RTBDN: variants seen among roughly 807,000 people sequenced by gnomAD.
The protein encoded by RTBDN is retbindin.
A neutral mutation model predicts 21.9 loss-of-function variants in RTBDN; 24 were observed. The ratio of observed to expected loss-of-function variants is 1.10; its 90% CI spans 0.79 to 1.54. The LOEUF (loss-of-function observed/expected upper bound fraction) is 1.54. Ranked by LOEUF, RTBDN falls within the 40% of genes most tolerant of loss-of-function variation. RTBDN has a pLI of 0.00. For missense variants in RTBDN, 325 were observed against 315.2 expected (o/e 1.03, Z -0.23); for synonymous variants, 141 against 125.9 (o/e 1.12, Z -0.80).
chr19:12,831,171 C>G (rs962194243), intron 1 of RTBDN, among the ~76,000 whole-genome samples: 4 of 151,930 alleles, frequency 2.6e-5, no homozygotes, highest in African/African-American at 9.7e-5. Context: ...GTTAGTGTCC[C>G]TGCAAAAATG....
chr19:12,826,939 C>T (rs1969330648), intron 4 of RTBDN, 68 bp from the exon 5 acceptor site: 1 of 1,146,116 alleles, frequency 8.7e-7, no homozygotes, highest in Non-Finnish European at 1.3e-6. Flanking sequence ...TCTGGCTCTT[C>T]TAGACTGTGT....
chr19:12,834,586 C>T, upstream of RTBDN: 2 of 1,516,386 alleles, frequency 1.3e-6, no homozygotes, highest in South Asian at 1.2e-5. This position sits in a 1 kb window ranked among gnomAD's most constrained non-coding sequence, Gnocchi z 4.7. Context: ...CAACATCCGC[C>T]CCCCCACCGC....
At chr19:12,828,618 C>A in intron 4 of RTBDN, 39 bp downstream of exon 4, 1 of 1,520,404 alleles carries the variant, frequency 6.6e-7, no homozygotes, top group Non-Finnish European at 9.0e-7. Flanking sequence ...CTTCCCCGCC[C>A]AAGTCACAAC....
chr19:12,827,394 C>T (rs1289313668), intron 4 of RTBDN, among the ~76,000 whole-genome samples: 1 of 148,204 alleles, frequency 6.7e-6, no homozygotes, highest in East Asian at 2.0e-4. Context: ...CCAATCTCTG[C>T]TTCCTGCAAC....
chr19:12,833,518 T>G (rs1217079125), intron 1 of RTBDN, among the ~76,000 whole-genome samples: 1 of 151,900 alleles, frequency 6.6e-6, no homozygotes, highest in Non-Finnish European at 1.5e-5. Context: ...CTGTGGAAAC[T>G]ATCTCCCCCT....
At position 12,830,281 on chromosome 19, in the gene RTBDN, C is replaced by T; in HGVS notation, c.-18-284G>A. On this transcript the variant is annotated intron_variant, in intron 1 of 5. Coordinates refer to ENST00000674343, the MANE Select transcript of RTBDN (RefSeq NM_001270441.2). This position sits in a 1 kb window ranked among gnomAD's most constrained non-coding sequence, Gnocchi z 4.2. ...TCCTCCCATCCAGCAGGATCTCCCA[C>T]CTTTTTAGTCTTCAAGAGACCCCTT... 1 of 1,171,982 alleles carries T rather than the reference C, an allele frequency of 8.5e-7. No individual in the cohort carries two copies. The highest frequency in any genetic ancestry group is 1.1e-6 in the Non-Finnish European group (1 of 946,694). The allele number at this position is 1,171,982 out of a possible 1,614,324, so 72.6% of individuals were successfully genotyped here.
upstream of RTBDN, chr19:12,835,338 G>C: frequency 1.8e-6 from 1 of 546,256 alleles, no homozygotes; most frequent in Non-Finnish European, 3.3e-6. Flanking sequence ...GGGTGGGTTA[G>C]GAGAGTGGGT....
rs1480707150 is a variant in RTBDN, at chr19:12,828,897, G to T, written c.226C>A (p.Pro76Thr). The change falls in exon 3 of 6, where the codon CCA (proline) becomes ACA (threonine). Residue 76 changes from proline (P) to threonine (T), a missense_variant. Pro to Thr is a conservative substitution (Grantham distance 38). Coordinates refer to ENST00000674343, the MANE Select transcript of RTBDN (RefSeq NM_001270441.2). ...TTETSGPGNHPERCGVPSPEC... is the reference protein window; with the variant it reads ...TTETSGPGNHTERCGVPSPEC... ...GGGCTCGGCACTCCACAGCGTTCTG[G>T]ATGGTTTCCAGGGCCCGATGTCTCT... 4 of 1,614,102 alleles carry T rather than the reference G, an allele frequency of 2.5e-6. No homozygotes were observed. The highest frequency in any genetic ancestry group is 1.7e-5 in the Admixed American group (1 of 59,994).
intron 2 of RTBDN, among the ~76,000 whole-genome samples, chr19:12,829,358 C>T (rs1214261592): frequency 3.3e-5 from 5 of 152,072 alleles, no homozygotes; most frequent in South Asian, 2.1e-4. Flanking sequence ...CATGCCACCT[C>T]GTCCAGCTAA....
intron 4 of RTBDN, among the ~76,000 whole-genome samples, chr19:12,827,320 A>ATTT (rs34634301): frequency 1.7e-4 from 20 of 120,330 alleles, no homozygotes; most frequent in African/African-American, 2.6e-4. Flanking sequence ...TGTCCGATTA[A>ATTT]TTTTTTTTTT....
Position 12,829,584 on chromosome 19 carries a change from C to A in RTBDN, c.169+227G>T, listed in dbSNP as rs1437330424. ...TCTCTTTTTGGGGGTCCATGTGAGACCCAGAGAGGTTAAATGACTTCCTCA... is the reference window on the plus strand; with the variant it reads ...TCTCTTTTTGGGGGTCCATGTGAGAACCAGAGAGGTTAAATGACTTCCTCA... On this transcript the variant is annotated intron_variant, in intron 2 of 5. Transcript: ENST00000674343. Among the ~76,000 whole-genome samples, 12 of 152,192 alleles carry A rather than the reference C, an allele frequency of 7.9e-5. No individual in the cohort carries two copies. In the East Asian group the frequency reaches 2.1e-3, roughly 27 times the overall value.
At position 12,830,093 on chromosome 19, in the gene RTBDN, G is replaced by A; in HGVS notation, c.-18-96C>T. The A allele has an allele frequency of 7.0e-7, 1 of 1,424,276 alleles. No homozygotes were observed. The highest frequency in any genetic ancestry group is 9.5e-7 in the Non-Finnish European group (1 of 1,051,488). The allele number at this position is 1,424,276 out of a possible 1,614,324, so 88.2% of individuals were successfully genotyped here. On this transcript the variant is annotated intron_variant, in intron 1 of 5. Coordinates refer to ENST00000674343, the MANE Select transcript of RTBDN (RefSeq NM_001270441.2). The surrounding 1 kb of genome is among the most constrained non-coding windows in gnomAD (Gnocchi z 4.2). ...CCAAGAAGCAGTGCCAGGCAGAGTA[G>A]GGAAAGTGCAGCTGAGGAGGAGGCT... is the stretch of plus-strand genomic sequence containing the variant.
At position 12,830,336 on chromosome 19, in the gene RTBDN, G is replaced by C; in HGVS notation, c.-18-339C>G. 9.6e-7 allele frequency: 1 copy of C among 1,041,302 alleles called. No individual in the cohort carries two copies. Among genetic ancestry groups the C allele is most frequent in the Non-Finnish European group, 1.2e-6 (1 of 865,404 alleles). 64.5% of individuals were successfully genotyped at this position (1,041,302 alleles called of 1,614,324 possible). A position where few individuals can be genotyped will look rare whatever the true frequency, so the allele number is the denominator to read the frequency against. On this transcript the variant is annotated intron_variant, in intron 1 of 5. Coordinates refer to ENST00000674343, the MANE Select transcript of RTBDN (RefSeq NM_001270441.2). This position sits in a 1 kb window ranked among gnomAD's most constrained non-coding sequence, Gnocchi z 4.2. ...TCTCAGAATGAAGGGGACCTCCCTA[G>C]GTCTTCCAATCCCCCTCTCCTGTTC...
intron 4 of RTBDN, among the ~76,000 whole-genome samples, 168 bp downstream of exon 4, chr19:12,828,489 T>C (rs1969411911): frequency 6.6e-6 from 1 of 152,256 alleles, no homozygotes; most frequent in African/African-American, 2.4e-5. Flanking sequence ...TGGGGGCTTC[T>C]CATGCCTCGC....
In RTBDN at chr19:12,833,838, C is replaced by G. The variant is rs922810796; in HGVS notation, c.-19+651G>C. 2.7e-5 allele frequency: 9 copies of G among 328,854 alleles called. No homozygotes were observed. The East Asian group carries it at 4.1e-4, about 15-fold the overall frequency. The allele number at this position is 328,854 out of a possible 1,614,324, so 20.4% of individuals were successfully genotyped here. A position where few individuals can be genotyped will look rare whatever the true frequency, so the allele number is the denominator to read the frequency against. On this transcript the variant is annotated intron_variant, in intron 1 of 5. Transcript: ENST00000674343. Reference sequence around the variant, plus strand: ...CTTCGCTCCGCCCCCGCCCCCGCCACCCCTCCCCTCAGCCGCCGCCGCCGC... The same window carrying G: ...CTTCGCTCCGCCCCCGCCCCCGCCAGCCCTCCCCTCAGCCGCCGCCGCCGC...
chr19:12,829,194 C>CTT (rs142640807), intron 2 of RTBDN, among the ~76,000 whole-genome samples: 10 of 146,736 alleles, frequency 6.8e-5, no homozygotes, highest in Non-Finnish European at 7.5e-5. Context: ...AATCCTTTTC[C>CTT]TTTTTTTTTT....
At chr19:12,827,650 G>A (rs1225924432) in intron 4 of RTBDN, among the ~76,000 whole-genome samples, 1 of 151,794 alleles carries the variant, frequency 6.6e-6, no homozygotes, top group East Asian at 1.9e-4. Context: ...TAAATTTTTT[G>A]TTGAGACTGG....
rs1163659003 is a variant in RTBDN, at chr19:12,828,755, G to A, written c.267C>T (p.Phe89=). ...CGVPSPECES[F]LEHLQRALRS... is the part of the protein sequence containing the mutation. ...GAAGGGCACGTTGGAGGTGTTCCAG[G>A]AAGGATTCGCATCTGGACGTTGGGA... The change falls in exon 4 of 6, where the codon TTC becomes TTT. Residue 89 remains phenylalanine (F), a synonymous_variant. Coordinates refer to ENST00000674343, the MANE Select transcript of RTBDN (RefSeq NM_001270441.2). 8.1e-6 allele frequency: 13 copies of A among 1,614,224 alleles called. No homozygotes were observed. The highest frequency in any genetic ancestry group is 1.1e-5 in the Non-Finnish European group (13 of 1,180,034).
In RTBDN at chr19:12,829,950, G is replaced by A. The variant is rs778017405; in HGVS notation, c.30C>T (p.Ile10=). The A allele has an allele frequency of 8.9e-5, 144 of 1,613,916 alleles. No homozygotes were observed. The highest frequency in any genetic ancestry group is 1.2e-4 in the Non-Finnish European group (138 of 1,179,922). The stretch of plus-strand genomic sequence containing the variant: ...TCAGTTGCAGCACCCACGTCAGGCC[G>A]ATGGGTCGCATGTGGACCCTGCAGT... The part of the protein sequence containing the change: MDCRVHMRP[I]GLTWVLQLTL... The change falls in exon 2 of 6, where the codon ATC becomes ATT. Residue 10 remains isoleucine (I), a synonymous_variant. Transcript: ENST00000674343.
Sources: allele counts gnomAD v4.1 joint callset (sites outside exome capture counted in the v4.1 genomes callset), GRCh38; gene constraint gnomAD v4.1.1; non-coding constraint Gnocchi (gnomAD v3.1); transcripts MANE v1.5; gene names NCBI Gene and HGNC (gene_info 2026-07-23, HGNC 2026-07-21).